PTPRD: variants seen among roughly 807,000 people sequenced by gnomAD.
PTPRD encodes receptor-type tyrosine-protein phosphatase delta.
Under a neutral mutation model 214.5 loss-of-function variants are expected in PTPRD, and 34 were observed. The observed-to-expected ratio is 0.16, with a 90% confidence interval of 0.12 to 0.21. PTPRD has a LOEUF of 0.21. Ranked by LOEUF, PTPRD falls within the 10% of genes least tolerant of loss-of-function variation. The pLI, the probability that PTPRD is intolerant of heterozygous loss-of-function variation, is 1.00. For missense variants in PTPRD, 2,545 were observed against 2,398.7 expected, an observed-to-expected ratio of 1.06 and a Z score of -1.27; for synonymous variants, 1,128 against 845.7, an observed-to-expected ratio of 1.33 and a Z score of -5.79.
At chr9:10,319,482 CTA>C (rs1281874855) in intron 3 of PTPRD, among the ~76,000 whole-genome samples, 5 of 152,022 alleles carry the variant, frequency 3.3e-5, no homozygotes, top group South Asian at 2.1e-4. Context: ...AATTACCAAA[CTA>C]ATTTTAAAAA....
At chr9:8,581,819 G>A (rs1222026891) in intron 14 of PTPRD, among the ~76,000 whole-genome samples, 4 of 136,078 alleles carry the variant, frequency 2.9e-5, no homozygotes, top group African/African-American at 5.6e-5. Flanking sequence ...GGAAGGGCCC[G>A]GTGGCTCACG....
At chr9:9,018,863 ATTGT>A (rs1264569928) in intron 10 of PTPRD, 128 bp from the exon 11 acceptor site, 2 of 152,152 alleles carry the variant, frequency 1.3e-5, no homozygotes, top group Admixed American at 6.6e-5. Context: ...AAGAAGTGAA[ATTGT>A]TTGTATTTTG....
chr9:8,688,259 A>C (rs1034881545), intron 12 of PTPRD, among the ~76,000 whole-genome samples: 3 of 152,164 alleles, frequency 2.0e-5, no homozygotes, highest in African/African-American at 7.2e-5. Flanking sequence ...TGAGTTATCC[A>C]GATGTGGTTC....
chr9:9,828,491 G>C (rs2053731932), intron 5 of PTPRD, among the ~76,000 whole-genome samples: 1 of 152,036 alleles, frequency 6.6e-6, no homozygotes, highest in East Asian at 1.9e-4. Context: ...TCACACACCG[G>C]GGTCTGTTGT....
chr9:9,164,748 C>T (rs1429736546), intron 10 of PTPRD, among the ~76,000 whole-genome samples: 3 of 152,096 alleles, frequency 2.0e-5, no homozygotes, highest in African/African-American at 7.2e-5. Flanking sequence ...CACGGTACCT[C>T]ATGCCAGTAA....
At chr9:9,637,320 C>T (rs1434458614) in intron 7 of PTPRD, among the ~76,000 whole-genome samples, 1 of 152,114 alleles carries the variant, frequency 6.6e-6, no homozygotes, top group Non-Finnish European at 1.5e-5. Context: ...AGATTCGTAT[C>T]GGGGCAACTT....
At chr9:9,665,115 G>C (rs1011237018) in intron 7 of PTPRD, among the ~76,000 whole-genome samples, 2 of 151,626 alleles carry the variant, frequency 1.3e-5, no homozygotes, top group African/African-American at 4.8e-5. Context: ...ATCTATGTGT[G>C]TATGTGGGGA....
chr9:9,511,207 T>C (rs1483036445), intron 8 of PTPRD, among the ~76,000 whole-genome samples: 3 of 151,772 alleles, frequency 2.0e-5, no homozygotes, highest in African/African-American at 7.2e-5. Context: ...TTTATGACTA[T>C]GTAGTAAATG....
chr9:9,893,449 A>C (rs1043428034), intron 5 of PTPRD, among the ~76,000 whole-genome samples: 3 of 152,114 alleles, frequency 2.0e-5, no homozygotes, highest in African/African-American at 7.2e-5. Flanking sequence ...CCAAGCAAAT[A>C]GAAAACAACA....
chr9:9,592,186 C>T (rs1309787968), intron 7 of PTPRD, among the ~76,000 whole-genome samples: 1 of 152,014 alleles, frequency 6.6e-6, no homozygotes, highest in African/African-American at 2.4e-5. Context: ...ATTTAAAATA[C>T]ACCAATAAAG....
intron 10 of PTPRD, among the ~76,000 whole-genome samples, chr9:9,085,038 G>A (rs538502703): frequency 7.5e-4 from 114 of 152,168 alleles, no homozygotes; most frequent in African/African-American, 2.7e-3. Context: ...AAGCACAAAA[G>A]GAGATATTGA....
intron 7 of PTPRD, among the ~76,000 whole-genome samples, chr9:9,657,454 G>C (rs1304148643): frequency 1.3e-5 from 2 of 152,140 alleles, no homozygotes; most frequent in Admixed American, 1.3e-4. Flanking sequence ...GGCCTGTCGA[G>C]GGTTGGGAGG....
chr9:10,233,702 A>G (rs62539661), intron 3 of PTPRD, among the ~76,000 whole-genome samples: 13,951 of 152,082 alleles, frequency 0.092, 845 homozygotes, highest in Non-Finnish European at 0.13. Flanking sequence ...GAACATTGGG[A>G]AAGCTTAAGC....
At chr9:9,858,247 A>T (rs896186086) in intron 5 of PTPRD, among the ~76,000 whole-genome samples, 2 of 152,216 alleles carry the variant, frequency 1.3e-5, no homozygotes, top group Non-Finnish European at 2.9e-5. Flanking sequence ...AATTGCTAGT[A>T]GCAGACAAAT....
chr9:9,892,259 C>T (rs1416099621), intron 5 of PTPRD, among the ~76,000 whole-genome samples: 5 of 151,830 alleles, frequency 3.3e-5, no homozygotes, highest in Non-Finnish European at 7.4e-5. Context: ...ATAAAATAGC[C>T]AGATAAGGCC....
intron 11 of PTPRD, among the ~76,000 whole-genome samples, chr9:8,929,845 G>GTATATATC (rs1567063436): frequency 7.8e-6 from 1 of 127,998 alleles, no homozygotes; most frequent in Non-Finnish European, 1.6e-5. Flanking sequence ...ATATATATGT[G>GTATATATC]TGTATATATA....
At chr9:10,446,151 G>GA (rs2098797505) in intron 2 of PTPRD, among the ~76,000 whole-genome samples, 1 of 152,118 alleles carries the variant, frequency 6.6e-6, no homozygotes, top group South Asian at 2.1e-4. Flanking sequence ...ATAGAAAGAG[G>GA]AGAAAGGATT....
At chr9:8,343,958 C>T (rs191253904) in intron 39 of PTPRD, among the ~76,000 whole-genome samples, 268 of 152,146 alleles carry the variant, frequency 1.8e-3, no homozygotes, top group African/African-American at 6.3e-3. Flanking sequence ...CCCGAGGACT[C>T]CTCTGCATAG....
intron 2 of PTPRD, among the ~76,000 whole-genome samples, chr9:10,347,271 C>A (rs371953383): frequency 8.8e-4 from 134 of 152,208 alleles, no homozygotes; most frequent in African/African-American, 3.0e-3. Context: ...TTTTTCCTCT[C>A]AAATTATTTC....
Sources: gnomAD v4.1 joint callset for allele counts (sites outside exome capture counted in the v4.1 genomes callset) on GRCh38, gnomAD v4.1.1 for gene constraint, MANE v1.5 for transcripts, NCBI Gene and HGNC (gene_info 2026-07-23, HGNC 2026-07-21) for gene names.